The following SSH2 variants were observed in gnomAD, a reference collection of about 807,000 sequenced individuals.
The protein encoded by SSH2 is slingshot protein phosphatase 2.
Under a neutral mutation model 135.2 loss-of-function variants are expected in SSH2, and 37 were observed. That is an observed-to-expected ratio of 0.27 (90% CI 0.21 to 0.36). The LOEUF (loss-of-function observed/expected upper bound fraction) is 0.36, where lower values mean the gene tolerates loss of function less well. SSH2 is among the 10% of genes least tolerant of loss of function. SSH2 has a pLI of 1.00. For synonymous variants in SSH2, 628 were observed against 646.2 expected, an observed-to-expected ratio of 0.97 and a Z score of 0.43; for missense variants, 1,408 against 1,765.3, an observed-to-expected ratio of 0.80 and a Z score of 3.63.
intron 1 of SSH2, among the ~76,000 whole-genome samples, chr17:29,929,038 A>T (rs2067125094): frequency 6.6e-6 from 1 of 152,184 alleles, no homozygotes; most frequent in East Asian, 1.9e-4. Flanking sequence ...GTTTTTAAAA[A>T]TAAATATTTT....
At chr17:29,872,997 A>G (rs2058559085) in intron 1 of SSH2, among the ~76,000 whole-genome samples, 1 of 148,468 alleles carries the variant, frequency 6.7e-6, no homozygotes, top group Non-Finnish European at 1.5e-5. Context: ...CTTGGTCTCA[A>G]AAAAAAAAAA....
intron 11 of SSH2, among the ~76,000 whole-genome samples, chr17:29,656,083 T>C (rs915702822): frequency 2.0e-5 from 3 of 152,356 alleles, no homozygotes; most frequent in Admixed American, 6.5e-5. Flanking sequence ...GCACAGTGCC[T>C]GGCACCTGGC....
chr17:29,645,986 A>G (rs1313425455), intron 14 of SSH2: 1 of 152,228 alleles, frequency 6.6e-6, no homozygotes, highest in Non-Finnish European at 1.5e-5. Context: ...TTCAAGAGTC[A>G]AGACCAAATC....
At chr17:29,772,053 G>C (rs2041597322) in intron 3 of SSH2, among the ~76,000 whole-genome samples, 1 of 151,958 alleles carries the variant, frequency 6.6e-6, no homozygotes, top group African/African-American at 2.4e-5. Context: ...TAGTAGAAAG[G>C]GGGCAGTATT....
At chr17:29,821,650 T>A (rs953969072) in intron 2 of SSH2, among the ~76,000 whole-genome samples, 1 of 146,884 alleles carries the variant, frequency 6.8e-6, no homozygotes, top group Non-Finnish European at 1.5e-5. Flanking sequence ...CCAAGTCTAT[T>A]TTTTTTTTTT....
At chr17:29,701,127 T>C (rs1417007376) in intron 4 of SSH2, among the ~76,000 whole-genome samples, 1 of 151,856 alleles carries the variant, frequency 6.6e-6, no homozygotes, top group Non-Finnish European at 1.5e-5. Context: ...CCCGCCACCA[T>C]GTCCGGCTAA....
intron 2 of SSH2, among the ~76,000 whole-genome samples, chr17:29,802,930 T>C (rs1446894458): frequency 2.6e-5 from 4 of 152,182 alleles, no homozygotes; most frequent in African/African-American, 9.6e-5. Flanking sequence ...TGGAAATAAA[T>C]GAATAGTAGG....
At chr17:29,879,844 C>T (rs1435475502) in intron 1 of SSH2, among the ~76,000 whole-genome samples, 1 of 152,076 alleles carries the variant, frequency 6.6e-6, no homozygotes, top group Non-Finnish European at 1.5e-5. Context: ...TGAAATTAAG[C>T]TGGTGAAAGC....
chr17:29,858,276 G>A (rs1194423852), intron 1 of SSH2, among the ~76,000 whole-genome samples: 4 of 152,080 alleles, frequency 2.6e-5, no homozygotes, highest in African/African-American at 4.8e-5. Flanking sequence ...CCACAAACTC[G>A]ATGGCTTAAA....
At chr17:29,739,584 G>A (rs2040488505) in intron 3 of SSH2, among the ~76,000 whole-genome samples, 1 of 152,214 alleles carries the variant, frequency 6.6e-6, no homozygotes, top group Non-Finnish European at 1.5e-5. Context: ...TCTGAAGTTA[G>A]CCAAATACTT....
chr17:29,920,057 C>T (rs899752230), intron 1 of SSH2, among the ~76,000 whole-genome samples: 5 of 152,154 alleles, frequency 3.3e-5, no homozygotes, highest in Non-Finnish European at 7.4e-5. Flanking sequence ...CAGGCATGCG[C>T]CACCACACTC....
In SSH2 at chr17:29,695,474, T is replaced by C; in HGVS notation, c.342A>G (p.Glu114=). 1 of 1,612,674 alleles carries C rather than the reference T, an allele frequency of 6.2e-7. No homozygotes were observed. The highest frequency in any genetic ancestry group is 8.5e-7 in the Non-Finnish European group (1 of 1,179,428). ...LQAMFILLRP[E]DNIRLAVRLE... ...ACTAACTTACCAGCCTGATGTTGTCTTCTGGGCGGAGTAAAATGAACATTG... is the reference window on the plus strand; with the variant it reads ...ACTAACTTACCAGCCTGATGTTGTCCTCTGGGCGGAGTAAAATGAACATTG... The change falls in exon 5 of 16, where the codon GAA becomes GAG. Residue 114 remains glutamate, a synonymous_variant. Coordinates refer to ENST00000540801, the MANE Select transcript of SSH2 (RefSeq NM_001282129.2).
intron 1 of SSH2, among the ~76,000 whole-genome samples, chr17:29,915,014 C>T (rs183784324): frequency 1.3e-5 from 2 of 152,166 alleles, no homozygotes; most frequent in African/African-American, 4.8e-5. Flanking sequence ...TAATAGAAAA[C>T]CATGGAATCA....
intron 2 of SSH2, among the ~76,000 whole-genome samples, chr17:29,797,609 G>A (rs572647179): frequency 1.3e-5 from 2 of 152,266 alleles, no homozygotes; most frequent in South Asian, 4.1e-4. Flanking sequence ...CACGAACAAA[G>A]TTATTAGCCA....
chr17:29,881,950 C>A (rs888887572), intron 1 of SSH2, among the ~76,000 whole-genome samples: 1 of 152,126 alleles, frequency 6.6e-6, no homozygotes, highest in African/African-American at 2.4e-5. Flanking sequence ...AACAAACAAA[C>A]AAACATCTCC....
chr17:29,913,788 C>A (rs1023220132), intron 1 of SSH2, among the ~76,000 whole-genome samples: 1 of 151,948 alleles, frequency 6.6e-6, no homozygotes, highest in Non-Finnish European at 1.5e-5. Context: ...GCAAGCACCA[C>A]CACGCCGGCC....
chr17:29,761,876 TATATA>T (rs1213246441), intron 3 of SSH2, among the ~76,000 whole-genome samples: 9 of 103,588 alleles, frequency 8.7e-5, no homozygotes, highest in African/African-American at 3.1e-4. Flanking sequence ...TGTGTGTATA[TATATA>T]TATATATTTT....
At chr17:29,788,900 A>G (rs1057080831) in intron 3 of SSH2, among the ~76,000 whole-genome samples, 3 of 152,232 alleles carry the variant, frequency 2.0e-5, no homozygotes, top group Non-Finnish European at 4.4e-5. Flanking sequence ...AAATGCTTCC[A>G]TCTTCTTAGA....
intron 3 of SSH2, among the ~76,000 whole-genome samples, chr17:29,775,258 CTG>C (rs2041672633): frequency 6.6e-6 from 1 of 150,400 alleles, no homozygotes; most frequent in Non-Finnish European, 1.5e-5. Flanking sequence ...GGGAGACAAA[CTG>C]GAGTGTGAAA....
Sources: gnomAD v4.1 joint callset for allele counts (sites outside exome capture counted in the v4.1 genomes callset) on GRCh38, gnomAD v4.1.1 for gene constraint, MANE v1.5 for transcripts, NCBI Gene and HGNC (gene_info 2026-07-23, HGNC 2026-07-21) for gene names.